Variants in PIKFYVE observed in about 807,000 individuals in gnomAD.
PIKFYVE encodes the protein phosphoinositide kinase, FYVE-type zinc finger containing.
In PIKFYVE, 122 loss-of-function variants were observed where a neutral mutation model predicts 257.9. That is an observed-to-expected ratio of 0.47 (90% CI 0.41 to 0.55). The LOEUF is 0.55. PIKFYVE is among the 20% of genes least tolerant of loss of function. The pLI is 0.00. For synonymous variants in PIKFYVE, 892 were observed against 868.9 expected, an observed-to-expected ratio of 1.03 and a Z score of -0.47; for missense variants, 2,160 against 2,536.6, an observed-to-expected ratio of 0.85 and a Z score of 3.19.
At chr2:208,289,067 C>T (rs1428634531) in intron 7 of PIKFYVE, among the ~76,000 whole-genome samples, 1 of 152,178 alleles carries the variant, frequency 6.6e-6, no homozygotes, top group Non-Finnish European at 1.5e-5. Context: ...TTAAATAAGA[C>T]GTGAAGGATG....
At chr2:208,336,754 A>G in intron 27 of PIKFYVE, 84 bp from the exon 28 acceptor site, 2 of 853,766 alleles carry the variant, frequency 2.3e-6, no homozygotes, top group Non-Finnish European at 3.8e-6. Context: ...GTGATTTCAA[A>G]GTTGTAAAGA....
intron 33 of PIKFYVE, among the ~76,000 whole-genome samples, chr2:208,345,849 T>G (rs1020844217): frequency 6.6e-6 from 1 of 152,166 alleles, no homozygotes; most frequent in Non-Finnish European, 1.5e-5. Flanking sequence ...AGCATTTCAC[T>G]TTAAGTCCAG....
intron 7 of PIKFYVE, among the ~76,000 whole-genome samples, chr2:208,295,706 T>C (rs1692883530): frequency 6.6e-6 from 1 of 152,214 alleles, no homozygotes; most frequent in Non-Finnish European, 1.5e-5. Context: ...CCATTGGTGT[T>C]GTTGAGTTGA....
chr2:208,330,112 A>T (rs188067685), intron 22 of PIKFYVE, among the ~76,000 whole-genome samples, 199 bp downstream of exon 22: 2 of 152,178 alleles, frequency 1.3e-5, no homozygotes, highest in Non-Finnish European at 2.9e-5. Context: ...AACATCCCTC[A>T]TATCTCTGCC....
In PIKFYVE at chr2:208,354,024, C is replaced by T. The variant is rs956699668; in HGVS notation, c.5971C>T (p.Arg1991Cys). 2.3e-5 allele frequency: 37 copies of T among 1,613,956 alleles called. No homozygotes were observed. The highest frequency in any genetic ancestry group is 4.5e-5 in the East Asian group (2 of 44,880). Residue 1991 changes from arginine (R) to cysteine (C), a missense_variant, in exon 40 of 42, where the codon CGT becomes TGT. By Grantham distance (180) the Arg-to-Cys change is radical. Around this residue, in one of 12 missense-constraint regions of PIKFYVE, gnomAD observed 699 missense variants for 855.8 expected, o/e 0.82. Transcript: ENST00000264380. ...KMVRDNPLYI[R>C]SHSKAVLRTS... ...GGTTCGAGACAACCCTCTATATATT[C>T]GTTCTCATTCCAAAGCTGTGCTGAG...
intron 25 of PIKFYVE, 124 bp downstream of exon 25, chr2:208,335,543 G>GCATGC: frequency 1.1e-6 from 1 of 876,724 alleles, no homozygotes; most frequent in Non-Finnish European, 1.8e-6. Context: ...CATGCTTGGT[G>GCATGC]TACAAAAAGA....
intron 12 of PIKFYVE, among the ~76,000 whole-genome samples, chr2:208,310,126 G>A (rs1454499849): frequency 1.3e-5 from 2 of 152,056 alleles, no homozygotes; most frequent in Non-Finnish European, 2.9e-5. Context: ...AGTTTGCTGA[G>A]TGTTATAGTC....
chr2:208,283,716 TG>T (rs1209720628), intron 5 of PIKFYVE, among the ~76,000 whole-genome samples: 2 of 152,074 alleles, frequency 1.3e-5, no homozygotes, highest in African/African-American at 2.4e-5. Context: ...CCAAGTAGCT[TG>T]GACTACAGGG....
chr2:208,325,091 C>G, intron 19 of PIKFYVE, 54 bp downstream of exon 19: 1 of 1,609,256 alleles, frequency 6.2e-7, no homozygotes, highest in African/African-American at 1.3e-5. Flanking sequence ...CTTATCACTA[C>G]TACAATGTTT....
intron 8 of PIKFYVE, among the ~76,000 whole-genome samples, chr2:208,299,855 A>G (rs1693468158): frequency 6.6e-6 from 1 of 152,194 alleles, no homozygotes; most frequent in Non-Finnish European, 1.5e-5. Flanking sequence ...CTTATAATTC[A>G]AAAGTAGAAA....
At chr2:208,300,841 G>A in intron 8 of PIKFYVE, 96 bp from the exon 9 acceptor site, 2 of 1,492,918 alleles carry the variant, frequency 1.3e-6, no homozygotes, top group South Asian at 2.3e-5. Flanking sequence ...TCCAAGTTAG[G>A]TTTCCTTTTA....
chr2:208,321,961 T>A (rs1276652289), intron 17 of PIKFYVE, among the ~76,000 whole-genome samples: 1 of 152,210 alleles, frequency 6.6e-6, no homozygotes, highest in East Asian at 1.9e-4. Context: ...TATTATATGA[T>A]CTGTTGGGAA....
intron 33 of PIKFYVE, 71 bp from the exon 34 acceptor site, chr2:208,345,979 G>A (rs929612177): frequency 3.8e-6 from 4 of 1,058,974 alleles, no homozygotes; most frequent in Admixed American, 3.5e-5. Flanking sequence ...CGTAATTAGT[G>A]TAGAGTACTT....
intron 5 of PIKFYVE, among the ~76,000 whole-genome samples, chr2:208,285,509 A>C (rs1468393122): frequency 6.6e-6 from 1 of 151,958 alleles, no homozygotes; most frequent in Non-Finnish European, 1.5e-5. Flanking sequence ...TTTGATTTTT[A>C]GTGCCAGAAT....
At chr2:208,327,021 T>C (rs1697007572) in intron 20 of PIKFYVE, among the ~76,000 whole-genome samples, 1 of 152,156 alleles carries the variant, frequency 6.6e-6, no homozygotes, top group Admixed American at 6.5e-5. Flanking sequence ...GGAAATGCAA[T>C]TGTTTAATAA....
At chr2:208,344,721 C>T (rs113588039) in intron 32 of PIKFYVE, among the ~76,000 whole-genome samples, 1 of 1,804 alleles carries the variant, frequency 5.5e-4, no homozygotes, top group East Asian at 0.056. Context: ...ACATTTTTTT[C>T]CCCTTAAAGT....
chr2:208,306,472 G>A (rs1165040696), intron 12 of PIKFYVE, among the ~76,000 whole-genome samples: 1 of 152,212 alleles, frequency 6.6e-6, no homozygotes, highest in African/African-American at 2.4e-5. Flanking sequence ...TAAGCAGAAT[G>A]TGAAGTATAC....
intron 12 of PIKFYVE, among the ~76,000 whole-genome samples, chr2:208,310,074 G>GT (rs1317113191): frequency 6.6e-6 from 1 of 152,116 alleles, no homozygotes; most frequent in African/African-American, 2.4e-5. Context: ...ATACTAACGA[G>GT]TTATTCTTTT....
chr2:208,358,227 T>A lies in PIKFYVE; in HGVS notation c.*2922T>A, dbSNP rs1197829993. The A allele has an allele frequency of 6.6e-6, 1 of 152,626 alleles. No homozygotes were observed. Among genetic ancestry groups the A allele is most frequent in the Non-Finnish European group, 1.5e-5 (1 of 68,024 alleles). 9.5% of individuals were successfully genotyped at this position (152,626 alleles called of 1,614,324 possible). A position where few individuals can be genotyped will look rare whatever the true frequency, so the allele number is the denominator to read the frequency against. Reference sequence around the variant, plus strand: ...ATTTTACCCATTTGCAGTGATCCTGTGTAAAACTGCCAAGGAAAGTAATTA... The same window carrying A: ...ATTTTACCCATTTGCAGTGATCCTGAGTAAAACTGCCAAGGAAAGTAATTA... On this transcript the variant is annotated 3_prime_UTR_variant, in exon 42 of 42. Coordinates refer to ENST00000264380, the MANE Select transcript of PIKFYVE (RefSeq NM_015040.4).
Sources: gnomAD v4.1 joint callset for allele counts (sites outside exome capture counted in the v4.1 genomes callset) on GRCh38, gnomAD v4.1.1 for gene constraint, gnomAD v4.1.1 regional missense constraint, MANE v1.5 for transcripts, NCBI Gene and HGNC (gene_info 2026-07-23, HGNC 2026-07-21) for gene names.